LRFN5: variants seen among roughly 807,000 people sequenced by gnomAD.
The protein encoded by LRFN5 is leucine rich repeat and fibronectin type III domain containing 5.
In LRFN5, 24 loss-of-function variants were observed where a neutral mutation model predicts 45.6. The ratio of observed to expected loss-of-function variants is 0.53; its 90% CI spans 0.38 to 0.74. The LOEUF is 0.74. Among genes scored for constraint, LRFN5 ranks in the 30% least tolerant of loss-of-function variants. The probability of loss-of-function intolerance (pLI) is 0.00; values close to 1 mark genes in which losing one functional copy is unlikely to be tolerated. For synonymous variants in LRFN5, 340 were observed against 313.8 expected (o/e 1.08, Z -0.88); for missense variants, 776 against 861.5 (o/e 0.90, Z 1.24).
intron 1 of LRFN5, among the ~76,000 whole-genome samples, chr14:41,673,387 A>T (rs57173950): frequency 3.7e-5 from 5 of 134,252 alleles, no homozygotes; most frequent in African/African-American, 1.3e-4. Flanking sequence ...CTGGCCGGGC[A>T]GGGGGCTGAC....
chr14:41,805,419 T>TTTA (rs1343302701), intron 2 of LRFN5, among the ~76,000 whole-genome samples: 2 of 149,980 alleles, frequency 1.3e-5, no homozygotes, highest in Admixed American at 6.7e-5. Flanking sequence ...TATTTATTTA[T>TTTA]TTATTATTAT....
intron 2 of LRFN5, among the ~76,000 whole-genome samples, chr14:41,872,626 A>G (rs543743623): frequency 5.3e-5 from 8 of 152,314 alleles, no homozygotes; most frequent in Non-Finnish European, 1.2e-4. Flanking sequence ...TCCACACATT[A>G]TATTCGAACT....
chr14:41,887,345 C>A lies in LRFN5; in HGVS notation c.720C>A (p.Asn240Lys), dbSNP rs764464180. The A allele has an allele frequency of 6.2e-7, 1 of 1,614,060 alleles. No homozygotes were observed. The highest frequency in any genetic ancestry group is 8.5e-7 in the Non-Finnish European group (1 of 1,180,044). Reference sequence around the variant, plus strand: ...CTTTTGCATTAAGTTTTGGTGGAAACCCCTTGCATTGCAATTGTGAATTGT... The same window carrying A: ...CTTTTGCATTAAGTTTTGGTGGAAAACCCTTGCATTGCAATTGTGAATTGT... ...PSTFALSFGGNPLHCNCELLW... is the reference protein window; with the variant it reads ...PSTFALSFGGKPLHCNCELLW... Residue 240 changes from asparagine (N) to lysine (K), a missense_variant, in exon 3 of 6, where the codon AAC becomes AAA. Around this residue, in one of 2 missense-constraint regions of LRFN5, gnomAD observed 311 missense variants for 405.1 expected, o/e 0.77. Transcript: ENST00000298119. The surrounding 1 kb of genome is among the most constrained non-coding windows in gnomAD (Gnocchi z 4.8).
At chr14:41,646,546 G>A (rs190400096) in intron 1 of LRFN5, among the ~76,000 whole-genome samples, 2 of 152,142 alleles carry the variant, frequency 1.3e-5, no homozygotes, top group African/African-American at 4.8e-5. Context: ...TATCCTTGTA[G>A]TTAACTCCCA....
chr14:41,784,549 T>C (rs536198798), intron 2 of LRFN5, among the ~76,000 whole-genome samples: 1 of 152,180 alleles, frequency 6.6e-6, no homozygotes, highest in African/African-American at 2.4e-5. Flanking sequence ...ATAGTTTTTC[T>C]TTTGGTTTAT....
At chr14:41,704,430 C>G (rs74433081) in intron 1 of LRFN5, among the ~76,000 whole-genome samples, 93 of 40,108 alleles carry the variant, frequency 2.3e-3, no homozygotes, top group African/African-American at 0.015. Flanking sequence ...CTCTCTCTCT[C>G]TCTCTCTCTC....
At chr14:41,683,387 A>G (rs1483041070) in intron 1 of LRFN5, among the ~76,000 whole-genome samples, 2 of 152,146 alleles carry the variant, frequency 1.3e-5, no homozygotes, top group Admixed American at 6.5e-5. Flanking sequence ...AACTGTAAAC[A>G]TTTCTTCTAA....
chr14:41,733,938 T>C (rs991857819), intron 1 of LRFN5, among the ~76,000 whole-genome samples: 2 of 150,922 alleles, frequency 1.3e-5, no homozygotes, highest in Admixed American at 6.6e-5. Flanking sequence ...GATCTCTTTC[T>C]TCAGTTCTAT....
chr14:41,738,397 A>G (rs1283109314), intron 1 of LRFN5, among the ~76,000 whole-genome samples: 1 of 152,240 alleles, frequency 6.6e-6, no homozygotes, highest in Admixed American at 6.5e-5. Context: ...ACAACCCTGG[A>G]AGAAAACCTA....
At chr14:41,629,109 C>CA (rs147563801) in intron 1 of LRFN5, among the ~76,000 whole-genome samples, 3,312 of 151,584 alleles carry the variant, frequency 0.022, 107 homozygotes, top group African/African-American at 0.072. Flanking sequence ...TCTACATTTG[C>CA]AAAAAAAATA....
At chr14:41,805,418 AT>A (rs1204945249) in intron 2 of LRFN5, among the ~76,000 whole-genome samples, 2 of 148,758 alleles carry the variant, frequency 1.3e-5, no homozygotes, top group African/African-American at 5.0e-5. Flanking sequence ...TTATTTATTT[AT>A]TTATTATTAT....
intron 1 of LRFN5, among the ~76,000 whole-genome samples, chr14:41,640,527 G>A (rs1879528438): frequency 1.3e-5 from 2 of 152,000 alleles, no homozygotes; most frequent in Non-Finnish European, 1.5e-5. Context: ...ATCTTTGAAG[G>A]AGAAATACAC....
chr14:41,772,991 A>T (rs1886145596), intron 2 of LRFN5, among the ~76,000 whole-genome samples: 1 of 152,186 alleles, frequency 6.6e-6, no homozygotes, highest in Non-Finnish European at 1.5e-5. Flanking sequence ...CCAGCGATGT[A>T]TCTATTTTGC....
At chr14:41,821,921 C>T (rs1440107919) in intron 2 of LRFN5, among the ~76,000 whole-genome samples, 3 of 151,734 alleles carry the variant, frequency 2.0e-5, no homozygotes, top group Admixed American at 2.0e-4. Context: ...TTATCAAATT[C>T]CTCTAGGTTT....
intron 1 of LRFN5, among the ~76,000 whole-genome samples, chr14:41,610,398 T>G (rs1887698752): frequency 1.3e-5 from 2 of 152,138 alleles, no homozygotes. Context: ...TTTCCATTTA[T>G]TCCTCTTTCT....
At chr14:41,696,089 G>A (rs1882597355) in intron 1 of LRFN5, among the ~76,000 whole-genome samples, 1 of 151,934 alleles carries the variant, frequency 6.6e-6, no homozygotes, top group Admixed American at 6.6e-5. Flanking sequence ...CAACTTTGAG[G>A]GGTTCAAGAC....
chr14:41,700,708 T>C (rs780403189), intron 1 of LRFN5: 1 of 152,084 alleles, frequency 6.6e-6, no homozygotes, highest in Non-Finnish European at 1.5e-5. Flanking sequence ...CATAAAATCA[T>C]AGAGTAATAG....
rs576822128 is a variant in LRFN5, at chr14:41,779,337, T to A, written c.-21+12308T>A. The stretch of plus-strand genomic sequence containing the variant: ...GCTTTGGATAAATCTGATTTCATCA[T>A]GGTGTATAATTTTTCATCCATTGTT... On this transcript the variant is annotated intron_variant, in intron 2 of 5. Coordinates refer to ENST00000298119, the MANE Select transcript of LRFN5 (RefSeq NM_152447.5). 6.6e-5 allele frequency among the ~76,000 whole-genome samples: 10 copies of A among 152,022 alleles called. No individual in the cohort carries two copies. The East Asian group carries it at 9.6e-4, about 15-fold the overall frequency.
intron 1 of LRFN5, among the ~76,000 whole-genome samples, chr14:41,629,201 G>A (rs1322346275): frequency 1.3e-5 from 2 of 152,088 alleles, no homozygotes; most frequent in Non-Finnish European, 2.9e-5. Context: ...CAAGTGTTGG[G>A]TTGAGAATGT....
Sources: gnomAD v4.1 joint callset for allele counts (sites outside exome capture counted in the v4.1 genomes callset) on GRCh38, gnomAD v4.1.1 for gene constraint, gnomAD v4.1.1 regional missense constraint, Gnocchi (gnomAD v3.1) non-coding constraint, MANE v1.5 for transcripts, NCBI Gene and HGNC (gene_info 2026-07-23, HGNC 2026-07-21) for gene names.